The following YIF1B variants were observed in gnomAD, a reference collection of about 807,000 sequenced individuals.
YIF1B encodes Yip1 interacting factor homolog B, membrane trafficking protein.
YIF1B carries 24 observed loss-of-function variants against 34.6 expected under a neutral mutation model. That is an observed-to-expected ratio of 0.69 (90% CI 0.50 to 0.98). YIF1B has a LOEUF of 0.98. YIF1B is among the 50% of genes least tolerant of loss of function. The pLI is 0.00. For missense variants in YIF1B, 368 were observed against 429.4 expected (o/e 0.86, Z 1.26); for synonymous variants, 186 against 184.8 (o/e 1.01, Z -0.05).
At position 38,305,390 on chromosome 19, in the gene YIF1B, T is replaced by C. The variant is rs918065547; in HGVS notation, c.907A>G (p.Met303Val). The C allele has an allele frequency of 1.2e-6, 2 of 1,608,972 alleles. No individual in the cohort carries two copies. Among genetic ancestry groups the C allele is most frequent in the African/African-American group, 1.3e-5 (1 of 74,862 alleles). ...TGGAAGGTGAGCCAGTACATGAGCA[T>C]AGGCTGCGCCGCCGCCACCGCCATG... ...LTMAVAAAQP[M>V]LMYWLTFHLV... is the part of the protein sequence containing the mutation. The change falls in exon 8 of 8, where the codon ATG (methionine) becomes GTG (valine). Residue 303 changes from methionine to valine, a missense_variant. Around this residue, in one of 3 missense-constraint regions of YIF1B, gnomAD observed 208 missense variants for 247.8 expected, o/e 0.84. Coordinates refer to ENST00000339413, the MANE Select transcript of YIF1B (RefSeq NM_001039672.3).
In YIF1B at chr19:38,304,884, G is replaced by A. The variant is rs376043011; in HGVS notation, c.*468C>T. 4 of 1,612,130 alleles carry A rather than the reference G, an allele frequency of 2.5e-6. No homozygotes were observed. In the East Asian group the frequency reaches 9.0e-5, roughly 36 times the overall value. ...CTCCAAGCAGCACGAGAGCATCCCG[G>A]GCAAGGCCAAGAAGCCCAAAGTGAA... On this transcript the variant is annotated 3_prime_UTR_variant, in exon 8 of 8. Transcript: ENST00000339413.
At chr19:38,307,345 C>T in intron 7 of YIF1B, 83 bp downstream of exon 7, 1 of 1,468,518 alleles carries the variant, frequency 6.8e-7, no homozygotes, top group Non-Finnish European at 9.4e-7. Context: ...GTCTGAACCC[C>T]ACACCTGACA....
At chr19:38,319,387 G>C (rs1195414518), upstream of YIF1B, among the ~76,000 whole-genome samples, 1 of 152,168 alleles carries the variant, frequency 6.6e-6, no homozygotes, top group Non-Finnish European at 1.5e-5. Flanking sequence ...TTGGTGAGTA[G>C]CTGAGGATCC....
At chr19:38,310,953 T>G (rs181956813) in intron 1 of YIF1B, among the ~76,000 whole-genome samples, 15 of 152,244 alleles carry the variant, frequency 9.9e-5, no homozygotes, top group Admixed American at 4.6e-4. Flanking sequence ...CTGGCTGTCT[T>G]ATTTTGTTCA....
At chr19:38,308,906 C>T (rs1969181672) in intron 4 of YIF1B, 57 bp from the exon 5 acceptor site, 2 of 1,613,656 alleles carry the variant, frequency 1.2e-6, no homozygotes, top group South Asian at 1.1e-5. Flanking sequence ...CCCTGGGCCT[C>T]CAGGCACCCA....
Position 38,305,512 on chromosome 19 carries a change from G to C in YIF1B, c.790-5C>G, listed in dbSNP as rs1239045649. 3.1e-6 allele frequency: 5 copies of C among 1,597,046 alleles called. No individual in the cohort carries two copies. The Admixed American group carries it at 8.4e-5, about 27-fold the overall frequency. ...CTTCAGCCGCAGCGTCCGGATCTGGGTGGGAAAGAGAGAGAGGAACCAAGG... is the reference window on the plus strand; with the variant it reads ...CTTCAGCCGCAGCGTCCGGATCTGGCTGGGAAAGAGAGAGAGGAACCAAGG... On this transcript the variant is annotated splice_region_variant and splice_polypyrimidine_tract_variant and intron_variant, in intron 7 of 7. Coordinates refer to ENST00000339413, the MANE Select transcript of YIF1B (RefSeq NM_001039672.3).
At chr19:38,307,822 C>T in intron 5 of YIF1B, 70 bp from the exon 6 acceptor site, 1 of 1,576,568 alleles carries the variant, frequency 6.3e-7, no homozygotes, top group Non-Finnish European at 8.6e-7. Flanking sequence ...CATCTGGGGA[C>T]AGCTCTGTGT....
At chr19:38,321,819 G>A (rs752030993), upstream of YIF1B, among the ~76,000 whole-genome samples, 5 of 152,198 alleles carry the variant, frequency 3.3e-5, no homozygotes, top group Non-Finnish European at 5.9e-5. Flanking sequence ...TCATGTGCAC[G>A]CCTCCTACCT....
At position 38,307,458 on chromosome 19, in the gene YIF1B, G is replaced by A. The variant is rs769260558; in HGVS notation, c.759C>T (p.Gly253=). 5.6e-6 allele frequency: 9 copies of A among 1,613,532 alleles called. No individual in the cohort carries two copies. The highest frequency in any genetic ancestry group is 2.2e-5 in the East Asian group (1 of 44,870). Reference sequence around the variant, plus strand: ...ACACAAAGATGGCTACGCAGCACCAGCCCAGCACCAGGTAGTAGCCAATCT... The same window carrying A: ...ACACAAAGATGGCTACGCAGCACCAACCCAGCACCAGGTAGTAGCCAATCT... The part of the protein sequence containing the change: ...FGKIGYYLVL[G]WCCVAIFVFM... The change falls in exon 7 of 8, where the codon GGC becomes GGT. Residue 253 remains glycine (G), a synonymous_variant. Coordinates refer to ENST00000339413, the MANE Select transcript of YIF1B (RefSeq NM_001039672.3).
chr19:38,311,750 T>C (rs1382293845), intron 1 of YIF1B, among the ~76,000 whole-genome samples: 2 of 152,024 alleles, frequency 1.3e-5, no homozygotes, highest in East Asian at 1.9e-4. Flanking sequence ...CTGGATCAGT[T>C]TCAGAGCTAG....
At chr19:38,320,199 C>G (rs540618730), upstream of YIF1B, 1 of 1,602,190 alleles carries the variant, frequency 6.2e-7, no homozygotes, top group South Asian at 1.1e-5. Context: ...CTTCGGGGTC[C>G]GCCAACGCCT....
rs1319948394 is a variant in YIF1B, at chr19:38,315,451, C to T, written c.58+409G>A. 4 of 1,323,994 alleles carry T rather than the reference C, an allele frequency of 3.0e-6. No individual in the cohort carries two copies. The South Asian group carries it at 5.5e-5, about 18-fold the overall frequency. 82.0% of individuals were successfully genotyped at this position (1,323,994 alleles called of 1,614,324 possible). A position where few individuals can be genotyped will look rare whatever the true frequency, so the allele number is the denominator to read the frequency against. On this transcript the variant is annotated intron_variant, in intron 1 of 7. Transcript: ENST00000339413. ...GAGATGAAGAGACAGGAAAAGGGGG[C>T]CAACAGCACAATACAGGTTCGCTTC...
At chr19:38,315,749 C>A in intron 1 of YIF1B, 111 bp downstream of exon 1, 1 of 1,608,042 alleles carries the variant, frequency 6.2e-7, no homozygotes, top group African/African-American at 1.3e-5. Context: ...GTGCACACCT[C>A]AGGGTTCCAG....
At chr19:38,313,727 C>T (rs917549408) in intron 1 of YIF1B, among the ~76,000 whole-genome samples, 1 of 152,258 alleles carries the variant, frequency 6.6e-6, no homozygotes, top group East Asian at 1.9e-4. Flanking sequence ...CAGCCAGCCA[C>T]ATGGCCTTTC....
chr19:38,308,897 C>T, intron 4 of YIF1B, 48 bp from the exon 5 acceptor site: 2 of 1,613,586 alleles, frequency 1.2e-6, no homozygotes, highest in Non-Finnish European at 1.7e-6. Flanking sequence ...GAAGAACTGC[C>T]CTGGGCCTCC....
At chr19:38,311,837 G>A (rs144256335) in intron 1 of YIF1B, among the ~76,000 whole-genome samples, 168 of 152,326 alleles carry the variant, frequency 1.1e-3, no homozygotes, top group African/African-American at 3.9e-3. Flanking sequence ...AGTGGCTTAC[G>A]CCTGTAATCC....
intron 1 of YIF1B, among the ~76,000 whole-genome samples, chr19:38,314,351 C>A (rs1002103477): frequency 6.6e-6 from 1 of 151,756 alleles, no homozygotes; most frequent in African/African-American, 2.4e-5. Flanking sequence ...CACACCACCA[C>A]GCCCAGCTAA....
chr19:38,315,115 T>A (rs1969491852), intron 1 of YIF1B, among the ~76,000 whole-genome samples: 1 of 151,710 alleles, frequency 6.6e-6, no homozygotes, highest in African/African-American at 2.4e-5. Context: ...CGTGGTGGCC[T>A]GCGCCTGTAA....
intron 5 of YIF1B, 76 bp downstream of exon 5, chr19:38,308,716 T>C: frequency 6.3e-7 from 1 of 1,584,578 alleles, no homozygotes; most frequent in Non-Finnish European, 8.7e-7. Flanking sequence ...ACTGAGACCT[T>C]GGAACTGAGA....
Sources: allele counts gnomAD v4.1 joint callset (sites outside exome capture counted in the v4.1 genomes callset), GRCh38; gene constraint gnomAD v4.1.1; regional missense constraint gnomAD v4.1.1; transcripts MANE v1.5; gene names NCBI Gene and HGNC (gene_info 2026-07-23, HGNC 2026-07-21).